SORT1: variants seen among roughly 807,000 people sequenced by gnomAD.
SORT1 encodes the protein sortilin 1, also known as sortilin.
SORT1 carries 39 observed loss-of-function variants against 101.7 expected under a neutral mutation model. The ratio of observed to expected loss-of-function variants is 0.38; its 90% CI spans 0.30 to 0.50. The LOEUF (loss-of-function observed/expected upper bound fraction) is 0.50, where lower values mean the gene tolerates loss of function less well. Among genes scored for constraint, SORT1 ranks in the 20% least tolerant of loss-of-function variants. SORT1 has a pLI of 0.90. For missense variants in SORT1, 878 were observed against 1,040.4 expected (o/e 0.84, Z 2.15); for synonymous variants, 396 against 393.7 (o/e 1.01, Z -0.07).
chr1:109,354,277 T>A (rs1650160464), intron 5 of SORT1, 90 bp downstream of exon 5: 6 of 951,356 alleles, frequency 6.3e-6, no homozygotes, highest in Non-Finnish European at 7.7e-6. Context: ...AAGTCCAATA[T>A]TAAAAGCATT....
intron 1 of SORT1, among the ~76,000 whole-genome samples, chr1:109,377,616 CA>C (rs1367820255): frequency 6.6e-6 from 1 of 152,186 alleles, no homozygotes; most frequent in Non-Finnish European, 1.5e-5. Context: ...CGTAGCTAAA[CA>C]TTGGTAAAGA....
intron 1 of SORT1, among the ~76,000 whole-genome samples, chr1:109,370,929 T>C (rs1330996131): frequency 5.3e-5 from 8 of 152,294 alleles, no homozygotes; most frequent in Admixed American, 3.3e-4. Flanking sequence ...AAGCCACCAA[T>C]CCCACATAGA....
rs1658691159 is a variant in SORT1 at position 109,310,932 on chromosome 1, T to C, written c.*3111A>G. On this transcript the variant is annotated 3_prime_UTR_variant, in exon 20 of 20. Coordinates refer to ENST00000256637, the MANE Select transcript of SORT1 (RefSeq NM_002959.7). ...AGCCTGTCAAGGATGAAAGACCACC[T>C]TGGGCATGGAGAGGCCCAGAGGCAA... 6.6e-6 allele frequency: 1 copy of C among 152,120 alleles called. No individual in the cohort carries two copies. The highest frequency in any genetic ancestry group is 2.4e-5 in the African/African-American group (1 of 41,410). 9.4% of individuals were successfully genotyped at this position (152,120 alleles called of 1,614,324 possible). A position where few individuals can be genotyped will look rare whatever the true frequency, so the allele number is the denominator to read the frequency against.
intron 10 of SORT1, among the ~76,000 whole-genome samples, chr1:109,336,824 A>G (rs1390742856): frequency 6.6e-6 from 1 of 152,058 alleles, no homozygotes; most frequent in Non-Finnish European, 1.5e-5. Flanking sequence ...AAAAAAAAAA[A>G]AAAAGATATT....
chr1:109,384,502 A>C (rs76413550), intron 1 of SORT1, among the ~76,000 whole-genome samples: 75 of 152,324 alleles, frequency 4.9e-4, no homozygotes, highest in Admixed American at 9.1e-4. Flanking sequence ...CAATGGCATT[A>C]AGTTTATAAT....
chr1:109,393,052 G>A, intron 1 of SORT1: 1 of 985,396 alleles, frequency 1.0e-6, no homozygotes, highest in Non-Finnish European at 1.2e-6. Flanking sequence ...TGTTACAAAG[G>A]TCTGGCGATT....
intron 12 of SORT1, 103 bp downstream of exon 12, chr1:109,327,396 G>T: frequency 1.3e-6 from 1 of 765,178 alleles, no homozygotes. Context: ...GAATGTAAAA[G>T]CATCCACATT....
At chr1:109,372,730 T>C (rs1651561048) in intron 1 of SORT1, among the ~76,000 whole-genome samples, 1 of 151,696 alleles carries the variant, frequency 6.6e-6, no homozygotes, top group African/African-American at 2.4e-5. Flanking sequence ...AAACCCCGTC[T>C]CTACTAAAGA....
At position 109,376,216 on chromosome 1, in the gene SORT1, G is replaced by A. The variant is rs1296482263; in HGVS notation, c.307-6627C>T. ...GTGGCGGCGGGCGCCTGTAGTCCCA[G>A]CTACTCGGAGAGGCTGAGGCAGGAG... On this transcript the variant is annotated intron_variant, in intron 1 of 19. Coordinates refer to ENST00000256637, the MANE Select transcript of SORT1 (RefSeq NM_002959.7). Among the ~76,000 whole-genome samples, 4 of 151,574 alleles carry A rather than the reference G, an allele frequency of 2.6e-5. No individual in the cohort carries two copies. In the East Asian group the frequency reaches 7.8e-4, roughly 29 times the overall value.
intron 15 of SORT1, among the ~76,000 whole-genome samples, chr1:109,320,866 C>T (rs1647581358): frequency 1.3e-5 from 2 of 152,124 alleles, no homozygotes; most frequent in African/African-American, 4.8e-5. Context: ...CTGAAGATAT[C>T]ACCCCTCAAA....
Position 109,342,073 on chromosome 1 carries a change from A to T in SORT1, c.1049T>A (p.Phe350Tyr). 6.2e-7 allele frequency: 1 copy of T among 1,613,902 alleles called. No homozygotes were observed. ...ATCATTTGCTGCCAGAATAGAATAG[A>T]ACTGTTCCTGTCCCACGGAGGGGAG... is the stretch of plus-strand genomic sequence containing the variant. ...AQLPSVGQEQ[F>Y]YSILAANDDM... The change falls in exon 9 of 20, where the codon TTC (phenylalanine) becomes TAC (tyrosine). Residue 350 changes from phenylalanine (F) to tyrosine (Y), a missense_variant. Phe to Tyr is a conservative substitution (Grantham distance 22). This residue lies in a region of SORT1 where 684 missense variants were observed against 894.5 expected (regional missense o/e 0.76). Transcript: ENST00000256637.
chr1:109,374,393 T>TA (rs1651684585), intron 1 of SORT1, among the ~76,000 whole-genome samples: 2 of 151,856 alleles, frequency 1.3e-5, no homozygotes, highest in African/African-American at 2.4e-5. Context: ...GCCAACATGG[T>TA]AAAATCCCGT....
intron 13 of SORT1, 101 bp from the exon 14 acceptor site, chr1:109,325,190 T>C: frequency 1.6e-6 from 1 of 619,518 alleles, no homozygotes; most frequent in Non-Finnish European, 2.7e-6. Context: ...ACAAAACCCC[T>C]TACATTTAGG....
chr1:109,353,947 A>T lies in SORT1; in HGVS notation c.708+420T>A, dbSNP rs565848650. Among the ~76,000 whole-genome samples, 32 of 152,348 alleles carry T rather than the reference A, an allele frequency of 2.1e-4. No individual in the cohort carries two copies. In the South Asian group the frequency reaches 6.0e-3, roughly 29 times the overall value. ...TTTAATACATGAGGGTCAAAGACAG[A>T]AATCAGTATGTTTTATAAACTGAGG... On this transcript the variant is annotated intron_variant, in intron 5 of 19. Coordinates refer to ENST00000256637, the MANE Select transcript of SORT1 (RefSeq NM_002959.7).
intron 11 of SORT1, among the ~76,000 whole-genome samples, chr1:109,329,748 C>T (rs11102971): frequency 0.65 from 98,453 of 152,062 alleles, 33,729 homozygotes; most frequent in East Asian, 0.96. Context: ...AAGAGGTAGA[C>T]GACAATACAA....
At chr1:109,326,220 CT>C (rs762161455) in intron 13 of SORT1, among the ~76,000 whole-genome samples, 62 of 135,210 alleles carry the variant, frequency 4.6e-4, no homozygotes, top group East Asian at 1.1e-3. Context: ...GCTAATTTTT[CT>C]TTTTTTTTTT....
intron 1 of SORT1, among the ~76,000 whole-genome samples, chr1:109,389,602 C>T (rs1464166818): frequency 2.0e-5 from 3 of 152,186 alleles, no homozygotes; most frequent in South Asian, 4.1e-4. Context: ...AGCAAGAGTT[C>T]AACCTTATCC....
chr1:109,380,401 C>T (rs913719096), intron 1 of SORT1, among the ~76,000 whole-genome samples: 3 of 151,476 alleles, frequency 2.0e-5, no homozygotes, highest in African/African-American at 7.3e-5. Context: ...TTTACTCTGA[C>T]TATGTAAAAA....
chr1:109,337,893 T>C (rs1162096270), intron 10 of SORT1, among the ~76,000 whole-genome samples: 1 of 152,218 alleles, frequency 6.6e-6, no homozygotes, highest in African/African-American at 2.4e-5. Context: ...CCCAAAGTGC[T>C]AGGATTACAC....
Sources: gnomAD v4.1 joint callset for allele counts (sites outside exome capture counted in the v4.1 genomes callset) on GRCh38, gnomAD v4.1.1 for gene constraint, gnomAD v4.1.1 regional missense constraint, MANE v1.5 for transcripts, NCBI Gene and HGNC (gene_info 2026-07-23, HGNC 2026-07-21) for gene names.